The following KANK1 variants were observed in gnomAD, a reference collection of about 807,000 sequenced individuals.
KANK1 encodes KN motif and ankyrin repeat domains 1.
A neutral mutation model predicts 106.2 loss-of-function variants in KANK1; 109 were observed. That is an observed-to-expected ratio of 1.03 (90% confidence interval 0.88 to 1.20). The LOEUF (loss-of-function observed/expected upper bound fraction) is 1.20. Ranked by LOEUF, KANK1 falls within the 50% of genes most tolerant of loss-of-function variation. The probability of loss-of-function intolerance (pLI) is 0.00; values close to 1 mark genes in which losing one functional copy is unlikely to be tolerated. For synonymous variants in KANK1, 873 were observed against 652.2 expected, an observed-to-expected ratio of 1.34 and a Z score of -5.16; for missense variants, 2,399 against 1,710.7, an observed-to-expected ratio of 1.40 and a Z score of -7.10.
chr9:576,618 G>C (rs1246943822), intron 1 of KANK1, among the ~76,000 whole-genome samples: 1 of 152,174 alleles, frequency 6.6e-6, no homozygotes, highest in East Asian at 1.9e-4. Flanking sequence ...ACTTGACATT[G>C]TTTCATTTAG....
chr9:488,816 G>C (rs1298450653), intron 3 of KANK1: 2 of 152,060 alleles, frequency 1.3e-5, no homozygotes, highest in Non-Finnish European at 2.9e-5. Flanking sequence ...TTTTGGGTCT[G>C]TATTTTACAA....
chr9:663,026 C>T (rs1843711087), intron 1 of KANK1, among the ~76,000 whole-genome samples: 1 of 152,106 alleles, frequency 6.6e-6, no homozygotes, highest in East Asian at 1.9e-4. Flanking sequence ...GTTACATGTC[C>T]CCCTTTTACT....
At chr9:562,686 T>C (rs1383892613) in intron 1 of KANK1, among the ~76,000 whole-genome samples, 1 of 152,172 alleles carries the variant, frequency 6.6e-6, no homozygotes, top group African/African-American at 2.4e-5. Flanking sequence ...GATAGTACTT[T>C]CTAACCTGTA....
At chr9:508,080 C>G (rs537757297) in intron 1 of KANK1, among the ~76,000 whole-genome samples, 1 of 150,072 alleles carries the variant, frequency 6.7e-6, no homozygotes, top group East Asian at 2.0e-4. Flanking sequence ...CCTCTGCCTC[C>G]CAAAGTGTTG....
intron 1 of KANK1, among the ~76,000 whole-genome samples, chr9:655,582 C>T (rs1319305524): frequency 2.6e-5 from 4 of 152,100 alleles, no homozygotes; most frequent in Admixed American, 2.0e-4. Context: ...CAAAATGCTG[C>T]TTTTTTAAAT....
At chr9:524,982 C>CTTTTTTTTTTTTTTTTTTTTTTT (rs35377139) in intron 1 of KANK1, among the ~76,000 whole-genome samples, 1 of 91,984 alleles carries the variant, frequency 1.1e-5, no homozygotes, top group African/African-American at 4.7e-5. Context: ...CTCTTGCTGC[C>CTTTTTTTTTTTTTTTTTTTTTTT]TTTTTTTTTT....
chr9:546,055 G>A (rs139707493), intron 1 of KANK1, among the ~76,000 whole-genome samples: 1 of 152,194 alleles, frequency 6.6e-6, no homozygotes, highest in African/African-American at 2.4e-5. Flanking sequence ...CCAGTACAGA[G>A]CCTTTGAAGA....
chr9:745,219 G>A lies in KANK1; in HGVS notation c.4043G>A (p.Arg1348Gln), dbSNP rs201650757. 176 of 1,613,950 alleles carry A rather than the reference G, an allele frequency of 1.1e-4. 1 individual carries two copies. Among genetic ancestry groups the A allele is most frequent in the South Asian group, 2.9e-4 (26 of 91,080 alleles). Reference protein sequence around the residue: ...GRKTSPGPTHRGSFD With the variant: ...GRKTSPGPTHQGSFD ...AAGACGTCTCCTGGCCCCACCCACCGAGGTTCATTTGATTGATTGTATGCA... is the reference window on the plus strand; with the variant it reads ...AAGACGTCTCCTGGCCCCACCCACCAAGGTTCATTTGATTGATTGTATGCA... Residue 1348 changes from arginine to glutamine, a missense_variant, in exon 12 of 12, where the codon CGA becomes CAA. Transcript: ENST00000382297.
intron 1 of KANK1, among the ~76,000 whole-genome samples, chr9:589,008 C>T (rs1824189882): frequency 6.6e-6 from 1 of 151,934 alleles, no homozygotes; most frequent in Non-Finnish European, 1.5e-5. Context: ...AAGTGCTGAC[C>T]TTGAAGCATT....
intron 8 of KANK1, among the ~76,000 whole-genome samples, chr9:739,900 C>T (rs1281735102): frequency 6.6e-6 from 1 of 152,060 alleles, no homozygotes. Context: ...CACACGAATT[C>T]ACCTGCTTCT....
intron 1 of KANK1, among the ~76,000 whole-genome samples, chr9:623,941 A>C (rs919012843): frequency 6.6e-6 from 1 of 152,078 alleles, no homozygotes; most frequent in Non-Finnish European, 1.5e-5. Flanking sequence ...TATTTATTTC[A>C]GCATTACTCA....
chr9:713,857 C>T (rs937432176), intron 3 of KANK1, among the ~76,000 whole-genome samples: 1 of 152,138 alleles, frequency 6.6e-6, no homozygotes, highest in African/African-American at 2.4e-5. Flanking sequence ...AGTATATTAG[C>T]AATTGAAATA....
At chr9:715,247 TA>T (rs1263455707) in intron 3 of KANK1, among the ~76,000 whole-genome samples, 5 of 152,270 alleles carry the variant, frequency 3.3e-5, no homozygotes, top group African/African-American at 1.2e-4. Flanking sequence ...TAAACAGGAT[TA>T]AAAATGATCT....
intron 1 of KANK1, among the ~76,000 whole-genome samples, chr9:594,920 A>G (rs771789617): frequency 1.3e-5 from 2 of 151,872 alleles, no homozygotes; most frequent in Admixed American, 6.5e-5. Context: ...ATTTATTACA[A>G]TCAGAGGAAT....
intron 3 of KANK1, among the ~76,000 whole-genome samples, chr9:488,462 T>C (rs1209647146): frequency 6.6e-6 from 1 of 152,240 alleles, no homozygotes; most frequent in Non-Finnish European, 1.5e-5. Flanking sequence ...CATCCTCAGA[T>C]TGTCTTATTC....
At chr9:594,022 G>C (rs78021145) in intron 1 of KANK1, among the ~76,000 whole-genome samples, 4,651 of 151,944 alleles carry the variant, frequency 0.031, 345 homozygotes, top group African/African-American at 0.1. Flanking sequence ...AAAGCATGCA[G>C]CTGACTGCCC....
chr9:484,204 A>C (rs558686388), intron 3 of KANK1: 74 of 152,340 alleles, frequency 4.9e-4, no homozygotes, highest in African/African-American at 1.6e-3. Context: ...TGCAGATGAC[A>C]GCCAGATTTG....
At chr9:686,931 G>C in intron 2 of KANK1, 1 of 985,184 alleles carries the variant, frequency 1.0e-6, no homozygotes, top group Non-Finnish European at 1.2e-6. Flanking sequence ...GGTAAAGGGG[G>C]CTTAGGGCTG....
At chr9:631,527 C>G (rs1835733961) in intron 1 of KANK1, among the ~76,000 whole-genome samples, 1 of 109,014 alleles carries the variant, frequency 9.2e-6, no homozygotes, top group African/African-American at 5.2e-5. Flanking sequence ...CTGAAACACC[C>G]TCTTAGGATC....
Sources: gnomAD v4.1 joint callset for allele counts (sites outside exome capture counted in the v4.1 genomes callset) on GRCh38, gnomAD v4.1.1 for gene constraint, MANE v1.5 for transcripts, NCBI Gene and HGNC (gene_info 2026-07-23, HGNC 2026-07-21) for gene names.